The following PPOX variants were observed in gnomAD, a reference collection of about 807,000 sequenced individuals.
PPOX encodes protoporphyrinogen oxidase.
In PPOX, 23 loss-of-function variants were observed where a neutral mutation model predicts 54.1. That is an observed-to-expected ratio of 0.43 (90% CI 0.31 to 0.60). The LOEUF is 0.60. PPOX is among the 20% of genes least tolerant of loss of function. The probability of loss-of-function intolerance (pLI) is 0.13; values close to 1 mark genes in which losing one functional copy is unlikely to be tolerated. For synonymous variants in PPOX, 224 were observed against 236.1 expected (o/e 0.95, Z 0.47); for missense variants, 512 against 601.1 (o/e 0.85, Z 1.55).
At chr1:161,167,039 C>G in intron 2 of PPOX, 61 bp from the exon 3 acceptor site, 1 of 1,613,864 alleles carries the variant, frequency 6.2e-7, no homozygotes, top group Non-Finnish European at 8.5e-7. Flanking sequence ...TTCCCCTCCC[C>G]TCCTGACCTC....
chr1:161,166,815 G>GT (rs1558017688), intron 1 of PPOX, 25 bp from the exon 2 acceptor site: 1 of 1,611,020 alleles, frequency 6.2e-7, no homozygotes, highest in Admixed American at 1.7e-5. Context: ...CGGTCTGCCT[G>GT]TCCATATCGC....
intron 9 of PPOX, 89 bp from the exon 10 acceptor site, chr1:161,170,320 G>GGGGGGGGGGCCCC: frequency 4.0e-6 from 2 of 494,784 alleles, no homozygotes; most frequent in Non-Finnish European, 7.9e-6. Flanking sequence ...GTGAGACTCT[G>GGGGGGGGGGCCCC]TCCCCCCCAC....
downstream of PPOX, chr1:161,172,556 A>C: frequency 2.0e-6 from 1 of 506,828 alleles, no homozygotes; most frequent in East Asian, 3.3e-5. Context: ...AGGGCCTTTA[A>C]ACAGTTGGCA....
chr1:161,175,360 C>T, downstream of PPOX: 5 of 802,222 alleles, frequency 6.2e-6, no homozygotes, highest in South Asian at 8.2e-5. Flanking sequence ...TCAGAAATCT[C>T]GCATGCCTTG....
At position 161,168,975 on chromosome 1, in the gene PPOX, T is replaced by C. The variant is rs1260274241; in HGVS notation, c.617-18T>C. The C allele has an allele frequency of 6.2e-7, 1 of 1,613,206 alleles. No homozygotes were observed. The highest frequency in any genetic ancestry group is 8.5e-7 in the Non-Finnish European group (1 of 1,180,006). On this transcript the variant is annotated intron_variant, in intron 6 of 12. Coordinates refer to ENST00000367999, the MANE Select transcript of PPOX (RefSeq NM_001122764.3). ...CACTGCATCCAGCCTCAATGATTCT[T>C]CTTTGCTTCCTCTGCAGGGCGGACC...
Position 161,166,599 on chromosome 1 carries a change from G to C in PPOX, c.-82G>C. 8 of 1,435,518 alleles carry C rather than the reference G, an allele frequency of 5.6e-6. 1 individual carries two copies. The South Asian group carries it at 1.2e-4, about 21-fold the overall frequency. The allele number at this position is 1,435,518 out of a possible 1,614,324, so 88.9% of individuals were successfully genotyped here. On this transcript the variant is annotated 5_prime_UTR_variant, in exon 1 of 13. Coordinates refer to ENST00000367999, the MANE Select transcript of PPOX (RefSeq NM_001122764.3). ...GTGTGGCCCTTATCTGCACCCAGCA[G>C]AGCGCCGGCGGGGTACGGTCTTAGG...
chr1:161,171,474 C>A, downstream of PPOX: 1 of 590,086 alleles, frequency 1.7e-6, no homozygotes, highest in Non-Finnish European at 3.0e-6. Flanking sequence ...TCACAGAGGT[C>A]CGAGGAGAAG....
chr1:161,172,457 A>C, downstream of PPOX: 1 of 773,606 alleles, frequency 1.3e-6, no homozygotes, highest in South Asian at 1.9e-5. Context: ...AAAGCCCAGG[A>C]CAGAAGTCAA....
intron 4 of PPOX, chr1:161,176,713 T>A (rs1344683694): frequency 5.9e-6 from 4 of 679,004 alleles, no homozygotes; most frequent in East Asian, 2.7e-5. Flanking sequence ...AGATGGTAGG[T>A]CCCTCGCCTA....
downstream of PPOX, chr1:161,175,845 T>C (rs1273400825): frequency 6.2e-7 from 1 of 1,614,112 alleles, no homozygotes; most frequent in Middle Eastern, 1.6e-4. Context: ...AGGGCAGACC[T>C]TGAGGAGCTG....
chr1:161,173,721 C>T (rs200680049), downstream of PPOX: 19 of 1,613,968 alleles, frequency 1.2e-5, no homozygotes, highest in East Asian at 2.2e-5. Context: ...ACTGGGGGTA[C>T]GGGAGGCTAG....
chr1:161,174,940 T>C, downstream of PPOX: 1 of 1,571,748 alleles, frequency 6.4e-7, no homozygotes. Context: ...TGGCATGTGC[T>C]TGAGGCTTCC....
At chr1:161,170,544 G>A (rs571782645) in intron 10 of PPOX, 25 bp downstream of exon 10, 2 of 1,614,060 alleles carry the variant, frequency 1.2e-6, no homozygotes, top group East Asian at 4.5e-5. Flanking sequence ...ACTTTGCCTA[G>A]TGGCATTTCC....
chr1:161,177,186 C>T (rs979519053), downstream of PPOX: 6 of 1,030,182 alleles, frequency 5.8e-6, no homozygotes, highest in African/African-American at 6.4e-5. Flanking sequence ...GGGCGTGGTC[C>T]GCGCTGTGGA....
chr1:161,174,791 A>C (rs2101959323), downstream of PPOX: 1 of 599,130 alleles, frequency 1.7e-6, no homozygotes, highest in Non-Finnish European at 2.9e-6. Context: ...AGAGTGTAGG[A>C]CAGTGGGAAT....
downstream of PPOX, chr1:161,176,044 A>G (rs201140014): frequency 6.6e-5 from 106 of 1,614,004 alleles, no homozygotes; most frequent in Non-Finnish European, 7.7e-5. Flanking sequence ...AGGCCGCTCC[A>G]GCAGCCTCCG....
chr1:161,171,823 G>A, downstream of PPOX: 1 of 1,614,058 alleles, frequency 6.2e-7, no homozygotes, highest in Non-Finnish European at 8.5e-7. Flanking sequence ...GAGTCAGTGT[G>A]AACCTCGGAG....
At chr1:161,172,905 G>A (rs987349385), downstream of PPOX, among the ~76,000 whole-genome samples, 2 of 151,012 alleles carry the variant, frequency 1.3e-5, no homozygotes, top group African/African-American at 2.4e-5. Flanking sequence ...GAAAAGAAAA[G>A]GGTAGAACCA....
exon 5 of PPOX, chr1:161,176,933 G>A (rs1332950243): frequency 6.5e-7 from 1 of 1,536,200 alleles, no homozygotes; most frequent in South Asian, 1.2e-5. Context: ...TAGGAAACAG[G>A]CTCCTTCTAT....
Sources: gnomAD v4.1 joint callset for allele counts (sites outside exome capture counted in the v4.1 genomes callset) on GRCh38, gnomAD v4.1.1 for gene constraint, MANE v1.5 for transcripts, NCBI Gene and HGNC (gene_info 2026-07-23, HGNC 2026-07-21) for gene names.